Variants in LUZP2 observed in about 807,000 individuals in gnomAD.
The protein encoded by LUZP2 is leucine zipper protein 2.
Under a neutral mutation model 51.6 loss-of-function variants are expected in LUZP2, and 52 were observed. The observed-to-expected ratio is 1.01, with a 90% CI of 0.81 to 1.27. LUZP2 has a LOEUF of 1.27. LUZP2 is among the 50% of genes most tolerant of loss of function. The pLI is 0.00. For missense variants in LUZP2, 436 were observed against 395.4 expected (o/e 1.10, Z -0.87); for synonymous variants, 154 against 137.3 (o/e 1.12, Z -0.85).
chr11:24,714,616 C>T (rs1201657018), intron 1 of LUZP2, among the ~76,000 whole-genome samples: 1 of 152,110 alleles, frequency 6.6e-6, no homozygotes, highest in African/African-American at 2.4e-5. Context: ...CAACCCCTAA[C>T]CCATACGTTC....
chr11:24,989,308 T>G (rs1856270418), intron 9 of LUZP2, among the ~76,000 whole-genome samples: 1 of 152,018 alleles, frequency 6.6e-6, no homozygotes, highest in Admixed American at 6.6e-5. Context: ...TCTGAGAGGT[T>G]CCATGTTGGT....
At chr11:24,923,314 C>T (rs1854129779) in intron 7 of LUZP2, among the ~76,000 whole-genome samples, 1 of 152,044 alleles carries the variant, frequency 6.6e-6, no homozygotes, top group African/African-American at 2.4e-5. Flanking sequence ...TCTTCGGTCC[C>T]CAAACTCAAT....
chr11:24,504,906 G>C (rs2133759778), intron 1 of LUZP2, among the ~76,000 whole-genome samples: 1 of 152,254 alleles, frequency 6.6e-6, no homozygotes, highest in East Asian at 1.9e-4. Context: ...ATTTTAGAGA[G>C]TACCTGCAGA....
chr11:24,626,780 G>A (rs1180689917), intron 1 of LUZP2, among the ~76,000 whole-genome samples: 2 of 151,978 alleles, frequency 1.3e-5, no homozygotes, highest in African/African-American at 2.4e-5. Flanking sequence ...TTCTGAACCT[G>A]ATCAACATTA....
chr11:24,608,254 G>T (rs1437142984), intron 1 of LUZP2, among the ~76,000 whole-genome samples: 1 of 152,140 alleles, frequency 6.6e-6, no homozygotes, highest in Admixed American at 6.6e-5. Context: ...CCCACTTAGA[G>T]AATTCACAGC....
chr11:24,835,414 C>T (rs1173791241), intron 5 of LUZP2, among the ~76,000 whole-genome samples: 1 of 152,094 alleles, frequency 6.6e-6, no homozygotes, highest in African/African-American at 2.4e-5. Flanking sequence ...GACTTCATGA[C>T]TAAAACACCA....
intron 5 of LUZP2, among the ~76,000 whole-genome samples, chr11:24,866,041 T>C (rs558150122): frequency 6.6e-6 from 1 of 151,598 alleles, no homozygotes; most frequent in African/African-American, 2.4e-5. Context: ...ACTCTTGACC[T>C]CGAGTGATCC....
At chr11:25,007,822 T>C (rs1856874772) in intron 9 of LUZP2, among the ~76,000 whole-genome samples, 1 of 152,134 alleles carries the variant, frequency 6.6e-6, no homozygotes, top group South Asian at 2.1e-4. Context: ...ATATAAAATA[T>C]TATGGTTATT....
At chr11:25,074,950 C>T (rs1227422046) in intron 10 of LUZP2, among the ~76,000 whole-genome samples, 1 of 152,158 alleles carries the variant, frequency 6.6e-6, no homozygotes, top group Non-Finnish European at 1.5e-5. Context: ...AGGAACTCCA[C>T]TCTTACCAAG....
rs76921211 is a variant in LUZP2, at chr11:25,043,125, G to A, written c.766-6913G>A. ...CTGATCCTGCTGGACCTCGATTTGC[G>A]ATTTCTAGCTTTCAGAACTGGGAGA... is the stretch of plus-strand genomic sequence containing the variant. On this transcript the variant is annotated intron_variant, in intron 9 of 11. Coordinates refer to ENST00000336930, the MANE Select transcript of LUZP2 (RefSeq NM_001009909.4). Among the ~76,000 whole-genome samples, 1,201 of 152,160 alleles carry A rather than the reference G, an allele frequency of 7.9e-3. 32 individuals are homozygous for A. The East Asian group carries it at 0.098, about 12-fold the overall frequency.
chr11:24,654,187 A>C (rs1353666415), intron 1 of LUZP2, among the ~76,000 whole-genome samples: 1 of 152,188 alleles, frequency 6.6e-6, no homozygotes, highest in Non-Finnish European at 1.5e-5. Flanking sequence ...ATAGATACAT[A>C]AGCCAGTTGG....
At chr11:24,509,775 A>G (rs1423520721) in intron 1 of LUZP2, among the ~76,000 whole-genome samples, 1 of 151,936 alleles carries the variant, frequency 6.6e-6, no homozygotes, top group African/African-American at 2.4e-5. Flanking sequence ...TTGGTAACAC[A>G]CTATCATTAG....
intron 1 of LUZP2, among the ~76,000 whole-genome samples, chr11:24,716,008 A>G (rs999944883): frequency 1.3e-5 from 2 of 152,200 alleles, no homozygotes; most frequent in African/African-American, 4.8e-5. Context: ...TAGAATGTCC[A>G]CTACACCTAT....
At chr11:25,069,660 G>A (rs1273529324) in intron 10 of LUZP2, among the ~76,000 whole-genome samples, 1 of 151,730 alleles carries the variant, frequency 6.6e-6, no homozygotes, top group Non-Finnish European at 1.5e-5. Flanking sequence ...AAAAGTGACA[G>A]GGTATACATG....
rs1431401785 is a variant in LUZP2 at position 25,080,570 on chromosome 11, T to C, written c.*1912T>C. On this transcript the variant is annotated 3_prime_UTR_variant, in exon 12 of 12. Transcript: ENST00000336930. ...ATAAAAGATGAAGGTCTGAGGTTTC[T>C]TCTGACTCCTTCATATTTCTAAAAA... 1 of 152,196 alleles carries C rather than the reference T, an allele frequency of 6.6e-6. No homozygotes were observed. Among genetic ancestry groups the C allele is most frequent in the East Asian group, 1.9e-4 (1 of 5,202 alleles). 9.4% of individuals were successfully genotyped at this position (152,196 alleles called of 1,614,324 possible). A position where few individuals can be genotyped will look rare whatever the true frequency, so the allele number is the denominator to read the frequency against.
At chr11:24,900,048 G>A (rs925502109) in intron 5 of LUZP2, among the ~76,000 whole-genome samples, 6 of 152,132 alleles carry the variant, frequency 3.9e-5, no homozygotes, top group African/African-American at 1.4e-4. Flanking sequence ...TCTATTGACT[G>A]ATTTCCTCCT....
At chr11:24,806,308 C>A (rs1849855180) in intron 5 of LUZP2, among the ~76,000 whole-genome samples, 1 of 152,154 alleles carries the variant, frequency 6.6e-6, no homozygotes, top group Non-Finnish European at 1.5e-5. Flanking sequence ...TTGATGGTAG[C>A]TTGAAATTGG....
intron 5 of LUZP2, among the ~76,000 whole-genome samples, chr11:24,860,982 T>C (rs2134244807): frequency 6.6e-6 from 1 of 152,268 alleles, no homozygotes; most frequent in African/African-American, 2.4e-5. Flanking sequence ...AGAAGTAGGC[T>C]TCAGAAGATG....
At chr11:24,616,036 GTGTTT>G (rs1854275305) in intron 1 of LUZP2, among the ~76,000 whole-genome samples, 1 of 150,732 alleles carries the variant, frequency 6.6e-6, no homozygotes, top group Non-Finnish European at 1.5e-5. Context: ...TTTTATTGTG[GTGTTT>G]TGAGAGCTCT....
Sources: allele counts gnomAD v4.1 joint callset (sites outside exome capture counted in the v4.1 genomes callset), GRCh38; gene constraint gnomAD v4.1.1; transcripts MANE v1.5; gene names NCBI Gene and HGNC (gene_info 2026-07-23, HGNC 2026-07-21).